Variants in CCL26 observed in about 807,000 individuals in gnomAD.
CCL26 encodes the protein C-C motif chemokine 26.
A neutral mutation model predicts 10.7 loss-of-function variants in CCL26; 10 were observed. The observed-to-expected ratio is 0.93, with a 90% CI of 0.57 to 1.58. The LOEUF (loss-of-function observed/expected upper bound fraction) is 1.58. Among genes scored for constraint, CCL26 ranks in the 40% most tolerant of loss-of-function variants. The pLI, the probability that CCL26 is intolerant of heterozygous loss-of-function variation, is 0.00. For synonymous variants in CCL26, 43 were observed against 41.4 expected (o/e 1.04, Z -0.15); for missense variants, 116 against 111.0 (o/e 1.05, Z -0.20).
chr7:75,776,557 GAA>G (rs1802945547), upstream of CCL26, among the ~76,000 whole-genome samples: 1 of 107,534 alleles, frequency 9.3e-6, no homozygotes, highest in Non-Finnish European at 2.4e-5. Flanking sequence ...AGGAAGGAAG[GAA>G]GGAAGGAAGG....
At chr7:75,791,193 A>C (rs948682877), upstream of CCL26, among the ~76,000 whole-genome samples, 37 of 151,138 alleles carry the variant, frequency 2.4e-4, 1 homozygote, top group Non-Finnish European at 1.5e-4. Flanking sequence ...CACCTGGCTA[A>C]TTTTTGTATT....
rs11465346 is a variant in CCL26, at chr7:75,770,445, G to A, written c.189-656C>T. 7.7e-3 allele frequency among the ~76,000 whole-genome samples: 1,161 copies of A among 151,504 alleles called. 14 individuals carry two copies. The highest frequency in any genetic ancestry group is 0.027 in the African/African-American group (1,117 of 41,224). ...TGCCCAGGCTGGAGTGCAATGGCGC[G>A]ATCTCGGCTCACCACAACCTCTGCC... On this transcript the variant is annotated intron_variant, in intron 2 of 2. Coordinates refer to ENST00000005180, the MANE Select transcript of CCL26 (RefSeq NM_001371938.1).
chr7:75,790,042 C>T (rs1803290349), upstream of CCL26: 2 of 128,290 alleles, frequency 1.6e-5, no homozygotes, highest in Admixed American at 8.2e-5. Flanking sequence ...TCCCTCCATT[C>T]CTCCCTACCT....
chr7:75,789,652 G>C (rs1803280479), intron 1 of CCL26: 1 of 137,106 alleles, frequency 7.3e-6, no homozygotes, highest in Non-Finnish European at 1.6e-5. Flanking sequence ...CACCAAACAA[G>C]GCCCATTACT....
At chr7:75,791,404 C>T (rs1217670828), upstream of CCL26, among the ~76,000 whole-genome samples, 12 of 152,098 alleles carry the variant, frequency 7.9e-5, no homozygotes, top group East Asian at 1.9e-4. Flanking sequence ...CCATAGCTGG[C>T]GGCCCTGGCT....
At chr7:75,787,958 C>T (rs1266224049) in intron 1 of CCL26, among the ~76,000 whole-genome samples, 1 of 152,008 alleles carries the variant, frequency 6.6e-6, no homozygotes, top group East Asian at 1.9e-4. Context: ...TTTTTAACAA[C>T]CCCACAATAT....
At position 75,787,366 on chromosome 7, in the gene CCL26, C is replaced by T. The variant is rs575758999; in HGVS notation, c.-79+2351G>A. On this transcript the variant is annotated intron_variant, in intron 1 of 3. Coordinates refer to the CCL26 transcript ENST00000394905. Reference sequence around the variant, plus strand: ...TTTTTTAAAGACACACCTCACCAGCCGGGCACAGTGGCTCACGCCTGTAAT... The same window carrying T: ...TTTTTTAAAGACACACCTCACCAGCTGGGCACAGTGGCTCACGCCTGTAAT... Among the ~76,000 whole-genome samples the T allele has an allele frequency of 1.4e-4, 21 of 152,132 alleles. No homozygotes were observed. The East Asian group carries it at 3.5e-3, about 25-fold the overall frequency.
At chr7:75,781,641 G>T (rs528775080) in intron 1 of CCL26, among the ~76,000 whole-genome samples, 1 of 152,248 alleles carries the variant, frequency 6.6e-6, no homozygotes, top group South Asian at 2.1e-4. Flanking sequence ...AGTGAAAATG[G>T]CCTGTTCCTG....
intron 1 of CCL26, among the ~76,000 whole-genome samples, chr7:75,789,477 T>G (rs1479925370): frequency 1.7e-5 from 2 of 114,832 alleles, no homozygotes; most frequent in East Asian, 2.4e-4. Context: ...TTTTTTTTTT[T>G]GCCAGAATGT....
intron 1 of CCL26, among the ~76,000 whole-genome samples, chr7:75,786,873 T>TGCTA (rs1803196558): frequency 6.6e-6 from 1 of 152,202 alleles, no homozygotes; most frequent in Non-Finnish European, 1.5e-5. Flanking sequence ...GGTTACAAGC[T>TGCTA]GCTAGCCCGC....
chr7:75,781,785 T>C (rs1803069945), intron 1 of CCL26, among the ~76,000 whole-genome samples: 1 of 152,096 alleles, frequency 6.6e-6, no homozygotes, highest in Non-Finnish European at 1.5e-5. Context: ...AATTTTCCTT[T>C]ACCTATCCAA....
chr7:75,782,056 A>G (rs1461236723), intron 1 of CCL26, among the ~76,000 whole-genome samples: 1 of 152,142 alleles, frequency 6.6e-6, no homozygotes, highest in Non-Finnish European at 1.5e-5. Flanking sequence ...CAGCCCAAGG[A>G]ATATCTCACT....
upstream of CCL26, among the ~76,000 whole-genome samples, chr7:75,772,698 T>C (rs1585009376): frequency 1.4e-5 from 2 of 146,858 alleles, no homozygotes; most frequent in Admixed American, 6.8e-5. Flanking sequence ...AAAAAACAAG[T>C]GACAGATGGT....
At chr7:75,781,199 A>G (rs1803052839) in intron 1 of CCL26, among the ~76,000 whole-genome samples, 1 of 152,234 alleles carries the variant, frequency 6.6e-6, no homozygotes, top group African/African-American at 2.4e-5. Context: ...TCCAAAAATT[A>G]AATTCTGGCC....
At chr7:75,774,489 C>T (rs559147903), upstream of CCL26, among the ~76,000 whole-genome samples, 178 of 151,980 alleles carry the variant, frequency 1.2e-3, no homozygotes, top group African/African-American at 4.2e-3. Flanking sequence ...CTCTGTCATC[C>T]AGGCTGGAGT....
chr7:75,773,514 A>C (rs1802874453), upstream of CCL26, among the ~76,000 whole-genome samples: 1 of 152,074 alleles, frequency 6.6e-6, no homozygotes, highest in African/African-American at 2.4e-5. Context: ...CTTGGCCTTC[A>C]AAAATGTTGG....
At chr7:75,781,231 T>C (rs1385829043) in intron 1 of CCL26, among the ~76,000 whole-genome samples, 1 of 152,234 alleles carries the variant, frequency 6.6e-6, no homozygotes, top group African/African-American at 2.4e-5. Flanking sequence ...CGACAGGACT[T>C]AATTAACCTT....
chr7:75,781,366 C>T (rs1803056988), intron 1 of CCL26, among the ~76,000 whole-genome samples: 1 of 152,252 alleles, frequency 6.6e-6, no homozygotes, highest in Non-Finnish European at 1.5e-5. Context: ...AACTTCCAAA[C>T]TCCTGAACCG....
intron 2 of CCL26, among the ~76,000 whole-genome samples, chr7:75,771,191 C>G (rs534021047): frequency 6.6e-6 from 1 of 151,964 alleles, no homozygotes; most frequent in Non-Finnish European, 1.5e-5. Context: ...CTCAAGCGAT[C>G]GTCTAAACCT....
Sources: gnomAD v4.1 joint callset for allele counts (sites outside exome capture counted in the v4.1 genomes callset) on GRCh38, gnomAD v4.1.1 for gene constraint, MANE v1.5 for transcripts, NCBI Gene and HGNC (gene_info 2026-07-23, HGNC 2026-07-21) for gene names.